The following USP48 variants were observed in gnomAD, a reference collection of about 807,000 sequenced individuals.
The protein encoded by USP48 is ubiquitin specific peptidase 48.
A neutral mutation model predicts 150.7 loss-of-function variants in USP48; 43 were observed. The observed-to-expected ratio is 0.29, with a 90% CI of 0.22 to 0.37. The LOEUF is 0.37. Ranked by LOEUF, USP48 falls within the 10% of genes least tolerant of loss-of-function variation. USP48 has a pLI of 1.00. For missense variants in USP48, 813 were observed against 1,249.6 expected (o/e 0.65, Z 5.27); for synonymous variants, 396 against 425.9 (o/e 0.93, Z 0.86).
chr1:21,731,420 C>T (rs1443459182), intron 9 of USP48, among the ~76,000 whole-genome samples: 4 of 151,766 alleles, frequency 2.6e-5, no homozygotes, highest in East Asian at 2.0e-4. Flanking sequence ...TGTGTCACCA[C>T]GCCAGGGTAA....
At chr1:21,722,559 CAG>C (rs1273899925) in intron 12 of USP48, among the ~76,000 whole-genome samples, 9 of 145,444 alleles carry the variant, frequency 6.2e-5, no homozygotes, top group Admixed American at 1.4e-4. Flanking sequence ...AAAAAAAAAA[CAG>C]GGGCCAGATA....
chr1:21,693,774 A>T (rs906188940), intron 23 of USP48, among the ~76,000 whole-genome samples: 3 of 152,244 alleles, frequency 2.0e-5, no homozygotes, highest in Non-Finnish European at 4.4e-5. Context: ...ACAATAACAG[A>T]GTAAAGATAT....
chr1:21,690,111 T>G lies in USP48; in HGVS notation c.2884-12A>C. On this transcript the variant is annotated splice_polypyrimidine_tract_variant and intron_variant, in intron 23 of 26. Coordinates refer to ENST00000308271, the MANE Select transcript of USP48 (RefSeq NM_032236.8). ...AATGCATGCATGATCTGTGCCAATATAAAAGAGAGAAAGTCCGTATAATGC... is the reference window on the plus strand; with the variant it reads ...AATGCATGCATGATCTGTGCCAATAGAAAAGAGAGAAAGTCCGTATAATGC... 1 of 1,605,256 alleles carries G rather than the reference T, an allele frequency of 6.2e-7. No individual in the cohort carries two copies. The highest frequency in any genetic ancestry group is 8.5e-7 in the Non-Finnish European group (1 of 1,176,084).
chr1:21,776,005 T>C (rs1282950214), intron 1 of USP48, among the ~76,000 whole-genome samples: 1 of 152,246 alleles, frequency 6.6e-6, no homozygotes, highest in Non-Finnish European at 1.5e-5. Flanking sequence ...TAACACATTA[T>C]GTTGGTGAGG....
At chr1:21,688,265 C>G (rs941317047) in intron 24 of USP48, among the ~76,000 whole-genome samples, 2 of 152,050 alleles carry the variant, frequency 1.3e-5, no homozygotes, top group South Asian at 4.1e-4. Context: ...GTTGCCCAGG[C>G]TGGAGTGCAG....
chr1:21,725,707 T>A (rs2152549825), intron 11 of USP48, among the ~76,000 whole-genome samples: 1 of 151,030 alleles, frequency 6.6e-6, no homozygotes, highest in South Asian at 2.1e-4. Context: ...GAGCTGACAT[T>A]GCACCAGTGC....
intron 26 of USP48, among the ~76,000 whole-genome samples, chr1:21,680,063 G>C (rs1180108272): frequency 2.6e-5 from 4 of 152,188 alleles, no homozygotes; most frequent in Non-Finnish European, 5.9e-5. Flanking sequence ...TGTAATGGTA[G>C]CATGCAGACA....
In USP48 at chr1:21,704,274, T is replaced by A. The variant is rs1218890679; in HGVS notation, c.2503A>T (p.Ile835Phe). The A allele has an allele frequency of 6.2e-7, 1 of 1,611,900 alleles. No homozygotes were observed. The highest frequency in any genetic ancestry group is 1.1e-5 in the South Asian group (1 of 90,482). Residue 835 changes from isoleucine to phenylalanine, a missense_variant, in exon 20 of 27, where the codon ATT becomes TTT. Coordinates refer to ENST00000308271, the MANE Select transcript of USP48 (RefSeq NM_032236.8). ...TATGAAAACTTACTGGGCTCAGAAA[T>A]ATACTGTGTTTCTGAAGGGTTTACA... ...GDVNPSETQYISEPKLCPECR... is the reference protein window; with the variant it reads ...GDVNPSETQYFSEPKLCPECR...
At position 21,690,026 on chromosome 1, in the gene USP48, C is replaced by A. The variant is rs747612388; in HGVS notation, c.2957G>T (p.Cys986Phe). ...GACGCCAAGGGTGCCTAGGGTGGCA[C>A]AGTCATCACTTAAAATCTTTCCATC... ...SIDGKILSDD[C>F]ATLGTLGVIP... Residue 986 changes from cysteine (C) to phenylalanine (F), a missense_variant, in exon 24 of 27, where the codon TGT becomes TTT. Physicochemically the swap from Cys to Phe is radical, Grantham distance 205 (BLOSUM62 -2). Transcript: ENST00000308271. 1.2e-6 allele frequency: 2 copies of A among 1,614,138 alleles called. No individual in the cohort carries two copies. The highest frequency in any genetic ancestry group is 1.7e-6 in the Non-Finnish European group (2 of 1,180,028).
At chr1:21,765,893 T>A in intron 1 of USP48, among the ~76,000 whole-genome samples, 1 of 82,108 alleles carries the variant, frequency 1.2e-5, no homozygotes. Flanking sequence ...AAAGTGAGAC[T>A]CCATCTCCAA....
intron 24 of USP48, among the ~76,000 whole-genome samples, chr1:21,688,839 T>C (rs1212105284): frequency 4.8e-5 from 3 of 63,056 alleles, no homozygotes; most frequent in African/African-American, 1.5e-4. Flanking sequence ...CGAGACTCCA[T>C]CTCAAAAAAA....
chr1:21,757,003 G>C lies in USP48; in HGVS notation c.256-301C>G. ...GTGGATTCTAGAAAAGATCGGTTTT[G>C]AACAAGCGTATATAGGTTTTATGTT... On this transcript the variant is annotated intron_variant, in intron 2 of 26. Coordinates refer to ENST00000308271, the MANE Select transcript of USP48 (RefSeq NM_032236.8). 5.1e-6 allele frequency: 5 copies of C among 985,260 alleles called. No homozygotes were observed. The South Asian group carries it at 1.4e-4, about 28-fold the overall frequency. The allele number at this position is 985,260 out of a possible 1,614,324, so 61.0% of individuals were successfully genotyped here. A position where few individuals can be genotyped will look rare whatever the true frequency, so the allele number is the denominator to read the frequency against.
chr1:21,752,962 T>TA, intron 4 of USP48, 30 bp downstream of exon 4: 1 of 1,553,844 alleles, frequency 6.4e-7, no homozygotes, highest in Non-Finnish European at 8.6e-7. Flanking sequence ...CCTCTGAATA[T>TA]TTAAAAAAAA....
chr1:21,688,842 C>CAAAAAA (rs1185263002), intron 24 of USP48, among the ~76,000 whole-genome samples: 6 of 88,936 alleles, frequency 6.7e-5, no homozygotes, highest in East Asian at 3.5e-4. Flanking sequence ...GACTCCATCT[C>CAAAAAA]AAAAAAAAAA....
At chr1:21,692,634 T>C (rs990687697) in intron 23 of USP48, among the ~76,000 whole-genome samples, 2 of 152,118 alleles carry the variant, frequency 1.3e-5, no homozygotes, top group African/African-American at 2.4e-5. Flanking sequence ...GAAGCTACCG[T>C]GTGTCAAGTA....
chr1:21,708,944 C>T (rs973081644), intron 15 of USP48, among the ~76,000 whole-genome samples: 18 of 147,306 alleles, frequency 1.2e-4, no homozygotes, highest in East Asian at 6.1e-4. Context: ...GAGTCTCATT[C>T]TGTCCCCTGG....
At chr1:21,689,291 G>A (rs1156761970) in intron 24 of USP48, among the ~76,000 whole-genome samples, 2 of 121,030 alleles carry the variant, frequency 1.7e-5, no homozygotes, top group African/African-American at 3.1e-5. Flanking sequence ...TTTAAGAACA[G>A]ATCCATCTAG....
intron 25 of USP48, among the ~76,000 whole-genome samples, chr1:21,685,373 G>A (rs2097577850): frequency 6.7e-6 from 1 of 149,808 alleles, no homozygotes; most frequent in Non-Finnish European, 1.5e-5. Flanking sequence ...AGGCTAGAGA[G>A]TGCAGTGCTG....
intron 8 of USP48, among the ~76,000 whole-genome samples, chr1:21,739,343 AC>A (rs2097775753): frequency 1.3e-5 from 2 of 151,872 alleles, no homozygotes; most frequent in Non-Finnish European, 2.9e-5. Flanking sequence ...GCATGGTGAA[AC>A]CCCCTCTCTA....
Sources: allele counts gnomAD v4.1 joint callset (sites outside exome capture counted in the v4.1 genomes callset), GRCh38; gene constraint gnomAD v4.1.1; transcripts MANE v1.5; gene names NCBI Gene and HGNC (gene_info 2026-07-23, HGNC 2026-07-21).